The following PRKCG variants were observed in gnomAD, a reference collection of about 807,000 sequenced individuals.
The protein encoded by PRKCG is protein kinase C gamma, also known as protein kinase C gamma type.
A neutral mutation model predicts 82.0 loss-of-function variants in PRKCG; 28 were observed. The ratio of observed to expected loss-of-function variants is 0.34; its 90% CI spans 0.25 to 0.47. The LOEUF is 0.47. Ranked by LOEUF, PRKCG falls within the 20% of genes least tolerant of loss-of-function variation. PRKCG has a pLI of 1.00. For synonymous variants in PRKCG, 383 were observed against 376.6 expected, an observed-to-expected ratio of 1.02 and a Z score of -0.20; for missense variants, 640 against 952.7, an observed-to-expected ratio of 0.67 and a Z score of 4.32.
At position 53,900,412 on chromosome 19, in the gene PRKCG, C is replaced by T; in HGVS notation, c.1374-7C>T. 1 of 1,614,156 alleles carries T rather than the reference C, an allele frequency of 6.2e-7. No individual in the cohort carries two copies. Among genetic ancestry groups the T allele is most frequent in the Non-Finnish European group, 8.5e-7 (1 of 1,180,034 alleles). ...CTTCTGACGTCCCCACCCACCCCGT[C>T]CTCCAGGTTCTACGCGGCAGAAATC... On this transcript the variant is annotated splice_polypyrimidine_tract_variant and splice_region_variant and intron_variant, in intron 12 of 17. Coordinates refer to ENST00000263431, the MANE Select transcript of PRKCG (RefSeq NM_002739.5). This position sits in a 1 kb window ranked among gnomAD's most constrained non-coding sequence, Gnocchi z 4.2.
rs1206433197 is a variant in PRKCG, at chr19:53,889,611, C to G, written c.286-27C>G. ...GGGGTTTTAGGACCCTCCCAACGCC[C>G]CCTAAGCCAGTCTTCTCTGCCCCCA... On this transcript the variant is annotated intron_variant, in intron 3 of 17. Coordinates refer to ENST00000263431, the MANE Select transcript of PRKCG (RefSeq NM_002739.5). The surrounding 1 kb of genome is among the most constrained non-coding windows in gnomAD (Gnocchi z 4.4). The G allele has an allele frequency of 2.5e-6, 4 of 1,590,704 alleles. No individual in the cohort carries two copies. In the African/African-American group the frequency reaches 5.4e-5, roughly 21 times the overall value.
At chr19:53,886,817 G>A (rs1313845452) in intron 3 of PRKCG, among the ~76,000 whole-genome samples, 1 of 152,176 alleles carries the variant, frequency 6.6e-6, no homozygotes, top group Non-Finnish European at 1.5e-5. Flanking sequence ...TTTTGGTTCT[G>A]TGACATTTCC....
chr19:53,902,395 C>A (rs1256441648), intron 14 of PRKCG, among the ~76,000 whole-genome samples: 1 of 152,114 alleles, frequency 6.6e-6, no homozygotes, highest in African/African-American at 2.4e-5. Context: ...TCCTGGGCTA[C>A]AGAGTGAGAC....
rs139392959 is a variant in PRKCG, at chr19:53,884,667, C to CAG, written c.285+438_285+439dup. ...GACCTAGGAGAGACTGAAGCTGAGG[C>CAG]AGAGAGAGAGAGAGATGGAGCAGAG... On this transcript the variant is annotated intron_variant, in intron 3 of 17. Coordinates refer to ENST00000263431, the MANE Select transcript of PRKCG (RefSeq NM_002739.5). The surrounding 1 kb of genome is among the most constrained non-coding windows in gnomAD (Gnocchi z 4.6). Among the ~76,000 whole-genome samples the CAG allele has an allele frequency of 1.3e-5, 2 of 150,242 alleles. No homozygotes were observed. The highest frequency in any genetic ancestry group is 2.4e-5 in the African/African-American group (1 of 41,040).
chr19:53,898,698 A>T, intron 11 of PRKCG, 70 bp downstream of exon 11: 1 of 1,325,310 alleles, frequency 7.5e-7, no homozygotes, highest in East Asian at 3.6e-5. Context: ...CTGCGTTGGG[A>T]TTCTGAGTTT....
intron 3 of PRKCG, among the ~76,000 whole-genome samples, chr19:53,886,691 C>T (rs560773129): frequency 5.3e-5 from 8 of 152,294 alleles, no homozygotes; most frequent in African/African-American, 1.9e-4. Flanking sequence ...GGATTACAGG[C>T]GTGAGCCACT....
upstream of PRKCG, chr19:53,882,089 G>A (rs1568748250): frequency 1.4e-5 from 4 of 281,158 alleles, no homozygotes; most frequent in South Asian, 2.8e-5. The surrounding 1 kb of genome is among the most constrained non-coding windows in gnomAD (Gnocchi z 6.1). Context: ...CGTGTGGGGG[G>A]CGGGGAGGGA....
rs2068756382 is a variant in PRKCG, at chr19:53,900,604, C to T, written c.1437-7C>T. ...CAATTCCTGCCCCACACCCCTGCAT[C>T]GTCCAGGGACCTGAAGCTGGACAAT... On this transcript the variant is annotated splice_polypyrimidine_tract_variant and splice_region_variant and intron_variant, in intron 13 of 17. Coordinates refer to ENST00000263431, the MANE Select transcript of PRKCG (RefSeq NM_002739.5). This position sits in a 1 kb window ranked among gnomAD's most constrained non-coding sequence, Gnocchi z 4.2. 3 of 1,614,252 alleles carry T rather than the reference C, an allele frequency of 1.9e-6. No individual in the cohort carries two copies. The highest frequency in any genetic ancestry group is 2.5e-6 in the Non-Finnish European group (3 of 1,180,044).
At chr19:53,891,919 G>C in intron 6 of PRKCG, 89 bp downstream of exon 6, 2 of 1,563,030 alleles carry the variant, frequency 1.3e-6, no homozygotes, top group Non-Finnish European at 1.8e-6. Flanking sequence ...TGATGGGAGG[G>C]GTTAGGATAG....
In PRKCG at chr19:53,889,826, G is replaced by C. The variant is rs547518414; in HGVS notation, c.398-60G>C. On this transcript the variant is annotated intron_variant, in intron 4 of 17. Transcript: ENST00000263431. The surrounding 1 kb of genome is among the most constrained non-coding windows in gnomAD (Gnocchi z 4.4). ...CCGGGAAATGCCCGGGATGGGGTGG[G>C]GGGTGGAGTCTTGGCTTGGGGGCGG... is the stretch of plus-strand genomic sequence containing the variant. The C allele has an allele frequency of 2.9e-5, 46 of 1,575,256 alleles. No homozygotes were observed. The East Asian group carries it at 9.9e-4, about 34-fold the overall frequency.
rs1477912260 is a variant in PRKCG at position 53,892,788 on chromosome 19, A to ACACG, written c.821+149_821+152dup. The ACACG allele has an allele frequency of 1.3e-5, 9 of 697,448 alleles. No homozygotes were observed. In the African/African-American group the frequency reaches 3.8e-4, roughly 29 times the overall value. The allele number at this position is 697,448 out of a possible 1,614,324, so 43.2% of individuals were successfully genotyped here. A position where few individuals can be genotyped will look rare whatever the true frequency, so the allele number is the denominator to read the frequency against. On this transcript the variant is annotated intron_variant, in intron 7 of 17. Coordinates refer to ENST00000263431, the MANE Select transcript of PRKCG (RefSeq NM_002739.5). This position sits in a 1 kb window ranked among gnomAD's most constrained non-coding sequence, Gnocchi z 5.9. Reference sequence around the variant, plus strand: ...CACACACACACACACACACGCACACACACGCACACACCCCTCTCTCTCTAT... The same window carrying ACACG: ...CACACACACACACACACACGCACACACACGCACGCACACACCCCTCTCTCTCTAT...
At chr19:53,899,194 G>A (rs1190618899) in intron 11 of PRKCG, among the ~76,000 whole-genome samples, 1 of 151,512 alleles carries the variant, frequency 6.6e-6, no homozygotes, top group Non-Finnish European at 1.5e-5. Flanking sequence ...CAGGTGAATG[G>A]GTCCTGCGGA....
rs35336576 is a variant in PRKCG at position 53,889,424 on chromosome 19, GT to G, written c.286-203del. On this transcript the variant is annotated intron_variant, in intron 3 of 17. Transcript: ENST00000263431. The surrounding 1 kb of genome is among the most constrained non-coding windows in gnomAD (Gnocchi z 4.4). ...GAAGTAAACTCCATGTGACAAAGAG[GT>G]TTTTTTTTTTCATTTGTTTAATGCT... Among the ~76,000 whole-genome samples, 106 of 147,720 alleles carry G rather than the reference GT, an allele frequency of 7.2e-4. 1 individual carries two copies. The highest frequency in any genetic ancestry group is 1.4e-3 in the Admixed American group (20 of 14,790).
chr19:53,905,341 C>T (rs981739188), intron 16 of PRKCG, among the ~76,000 whole-genome samples: 4 of 151,024 alleles, frequency 2.6e-5, no homozygotes, highest in African/African-American at 9.8e-5. Flanking sequence ...TTGTCCAACC[C>T]CCCTACCCCC....
chr19:53,886,873 A>C (rs1386192960), intron 3 of PRKCG, among the ~76,000 whole-genome samples: 1 of 152,222 alleles, frequency 6.6e-6, no homozygotes, highest in African/African-American at 2.4e-5. Flanking sequence ...TTGTTTGTAA[A>C]GTGGAGATGA....
intron 16 of PRKCG, 144 bp downstream of exon 16, chr19:53,904,886 G>C: frequency 2.7e-6 from 2 of 730,464 alleles, no homozygotes; most frequent in Non-Finnish European, 4.8e-6. Context: ...CATAGGTTTT[G>C]TTAGAACAAT....
intron 15 of PRKCG, 139 bp downstream of exon 15, chr19:53,903,292 A>C (rs558164102): frequency 1.0e-5 from 8 of 769,492 alleles, no homozygotes; most frequent in African/African-American, 6.8e-5. Context: ...TGTTGTCTTA[A>C]TGTAGACCAG....
In PRKCG at chr19:53,907,405, C is replaced by G. The variant is rs931196958; in HGVS notation, c.*510C>G. Reference sequence around the variant, plus strand: ...TCCCGCTGCTGTGCTCTGGGGATTTCTGGGATATATGGAGGATTCTTTCCC... The same window carrying G: ...TCCCGCTGCTGTGCTCTGGGGATTTGTGGGATATATGGAGGATTCTTTCCC... On this transcript the variant is annotated 3_prime_UTR_variant, in exon 18 of 18. Coordinates refer to ENST00000263431, the MANE Select transcript of PRKCG (RefSeq NM_002739.5). 2 of 183,142 alleles carry G rather than the reference C, an allele frequency of 1.1e-5. No individual in the cohort carries two copies. Among genetic ancestry groups the G allele is most frequent in the African/African-American group, 2.4e-5 (1 of 42,212 alleles). 11.3% of individuals were successfully genotyped at this position (183,142 alleles called of 1,614,324 possible).
chr19:53,892,752 G>GCGCGCACA lies in PRKCG; in HGVS notation c.821+110_821+111insGCGCACAC, dbSNP rs1201671245. 107 of 1,097,966 alleles carry GCGCGCACA rather than the reference G, an allele frequency of 9.7e-5. No homozygotes were observed. The African/African-American group carries it at 1.4e-3, about 14-fold the overall frequency. 68.0% of individuals were successfully genotyped at this position (1,097,966 alleles called of 1,614,324 possible). A position where few individuals can be genotyped will look rare whatever the true frequency, so the allele number is the denominator to read the frequency against. On this transcript the variant is annotated intron_variant, in intron 7 of 17. Coordinates refer to ENST00000263431, the MANE Select transcript of PRKCG (RefSeq NM_002739.5). This position sits in a 1 kb window ranked among gnomAD's most constrained non-coding sequence, Gnocchi z 5.9. ...TCCTTCCCTCTGCCTCCCAGCATGC[G>GCGCGCACA]CACACACACACACACACACACACAC...
Sources: allele counts gnomAD v4.1 joint callset (sites outside exome capture counted in the v4.1 genomes callset), GRCh38; gene constraint gnomAD v4.1.1; non-coding constraint Gnocchi (gnomAD v3.1); transcripts MANE v1.5; gene names NCBI Gene and HGNC (gene_info 2026-07-23, HGNC 2026-07-21).